KDM8: variants seen among roughly 807,000 people sequenced by gnomAD.
The protein encoded by KDM8 is bifunctional peptidase and arginyl-hydroxylase JMJD5.
KDM8 carries 35 observed loss-of-function variants against 46.9 expected under a neutral mutation model. The observed-to-expected ratio is 0.75, with a 90% CI of 0.57 to 0.99. The LOEUF is 0.99. KDM8 is among the 50% of genes least tolerant of loss of function. KDM8 has a pLI of 0.00. For missense variants in KDM8, 475 were observed against 537.0 expected, an observed-to-expected ratio of 0.88 and a Z score of 1.14; for synonymous variants, 232 against 227.7, an observed-to-expected ratio of 1.02 and a Z score of -0.17.
intron 1 of KDM8, among the ~76,000 whole-genome samples, chr16:27,209,876 G>T (rs1596645046): frequency 6.6e-6 from 1 of 152,226 alleles, no homozygotes; most frequent in South Asian, 2.1e-4. Flanking sequence ...CTGAACAGAC[G>T]TTTATCCAGT....
intron 5 of KDM8, among the ~76,000 whole-genome samples, chr16:27,218,491 G>T (rs567534620): frequency 2.6e-5 from 4 of 152,278 alleles, no homozygotes; most frequent in Admixed American, 1.3e-4. Flanking sequence ...TCTCTGCCCA[G>T]CCTGTTTCTG....
intron 1 of KDM8, among the ~76,000 whole-genome samples, chr16:27,208,559 G>A (rs757305423): frequency 3.9e-5 from 6 of 152,238 alleles, no homozygotes; most frequent in Non-Finnish European, 7.3e-5. Flanking sequence ...GGCAATAAAT[G>A]GTCTCCTGGG....
chr16:27,204,114 C>A, intron 1 of KDM8: 1 of 1,546,522 alleles, frequency 6.5e-7, no homozygotes. Context: ...GAAATGCAGC[C>A]CCGGGGAAGG....
At chr16:27,216,525 C>T (rs186758600) in intron 5 of KDM8, among the ~76,000 whole-genome samples, 33 of 152,240 alleles carry the variant, frequency 2.2e-4, no homozygotes, top group African/African-American at 7.7e-4. Flanking sequence ...GTGGAAGACT[C>T]GAGTCAGTCA....
chr16:27,215,259 A>G (rs1225680714), intron 4 of KDM8, among the ~76,000 whole-genome samples: 1 of 152,170 alleles, frequency 6.6e-6, no homozygotes, highest in Non-Finnish European at 1.5e-5. Context: ...AAAGTTGGAC[A>G]GCTAAGTCTA....
intron 1 of KDM8, among the ~76,000 whole-genome samples, chr16:27,205,427 C>T (rs1032750584): frequency 6.6e-5 from 10 of 152,148 alleles, no homozygotes; most frequent in Non-Finnish European, 5.9e-5. Context: ...TTTTATGCAA[C>T]CCACACTTGA....
chr16:27,213,448 A>G, intron 2 of KDM8, 137 bp from the exon 3 acceptor site: 1 of 817,072 alleles, frequency 1.2e-6, no homozygotes, highest in Non-Finnish European at 1.9e-6. Flanking sequence ...AGTAATAATA[A>G]CAAACGTTGT....
At chr16:27,213,557 T>A in intron 2 of KDM8, 28 bp from the exon 3 acceptor site, 1 of 1,608,654 alleles carries the variant, frequency 6.2e-7, no homozygotes, top group Non-Finnish European at 8.5e-7. Flanking sequence ...AGGTGGTTGC[T>A]ATTTTGTTCT....
chr16:27,210,581 G>A lies in KDM8; in HGVS notation c.458G>A (p.Arg153Lys). 1 of 1,517,098 alleles carries A rather than the reference G, an allele frequency of 6.6e-7. No homozygotes were observed. The highest frequency in any genetic ancestry group is 8.8e-7 in the Non-Finnish European group (1 of 1,132,810). 94.0% of individuals were successfully genotyped at this position (1,517,098 alleles called of 1,614,324 possible). Reference protein sequence around the residue: ...AILQTHLPGKRPARGSLPEQP... With the variant: ...AILQTHLPGKKPARGSLPEQP... ...CTCCAGACACACCTCCCTGGAAAGA[G>A]GCCTGCCCGTGGCTCCCTCCCAGAG... The change falls in exon 2 of 8, where the codon AGG becomes AAG. Residue 153 changes from arginine (R) to lysine (K), a missense_variant. Arg to Lys is a conservative substitution (Grantham distance 26). Coordinates refer to ENST00000286096, the MANE Select transcript of KDM8 (RefSeq NM_024773.3).
At position 27,214,859 on chromosome 16, in the gene KDM8, G is replaced by A; in HGVS notation, c.666-17G>A. 1 of 1,613,892 alleles carries A rather than the reference G, an allele frequency of 6.2e-7. No individual in the cohort carries two copies. The highest frequency in any genetic ancestry group is 1.7e-5 in the Admixed American group (1 of 60,016). Reference sequence around the variant, plus strand: ...AGATATTAGCAGTGACGATGCCAATGTGTGTCTTTCTGCTAGTTTGGAGTA... The same window carrying A: ...AGATATTAGCAGTGACGATGCCAATATGTGTCTTTCTGCTAGTTTGGAGTA... On this transcript the variant is annotated splice_polypyrimidine_tract_variant and intron_variant, in intron 3 of 7. Transcript: ENST00000286096.
intron 3 of KDM8, 183 bp downstream of exon 3, chr16:27,213,934 A>G: frequency 1.6e-6 from 1 of 612,636 alleles, no homozygotes; most frequent in Non-Finnish European, 2.7e-6. Flanking sequence ...TTTATGCCGC[A>G]GGTTATGGGA....
intron 2 of KDM8, chr16:27,211,119 C>G (rs1422604875): frequency 4.5e-6 from 2 of 447,960 alleles, no homozygotes; most frequent in Non-Finnish European, 4.4e-6. Context: ...TTCATTTTCT[C>G]TCTTTTTTTT....
In KDM8 at chr16:27,221,576, C is replaced by T. The variant is rs2083628072; in HGVS notation, c.*846C>T. On this transcript the variant is annotated 3_prime_UTR_variant, in exon 8 of 8. Coordinates refer to ENST00000286096, the MANE Select transcript of KDM8 (RefSeq NM_024773.3). Reference sequence around the variant, plus strand: ...AGCCTCCCTCCTACCACCTTCTAGTCACCATCCCCCAGAAGTAATGACTCT... The same window carrying T: ...AGCCTCCCTCCTACCACCTTCTAGTTACCATCCCCCAGAAGTAATGACTCT... 1 of 152,342 alleles carries T rather than the reference C, an allele frequency of 6.6e-6. No homozygotes were observed. Among genetic ancestry groups the T allele is most frequent in the Admixed American group, 6.5e-5 (1 of 15,296 alleles). 9.4% of individuals were successfully genotyped at this position (152,342 alleles called of 1,614,324 possible).
rs535176787 is a variant in KDM8, at chr16:27,208,678, A to C, written c.-31-1415A>C. On this transcript the variant is annotated intron_variant, in intron 1 of 7. Transcript: ENST00000286096. ...TTGCTCTATAAGATTCATGTAAGCC[A>C]CACACGGGATGAGCCAGGAGGCCAC... is the stretch of plus-strand genomic sequence containing the variant. Among the ~76,000 whole-genome samples, 6 of 150,952 alleles carry C rather than the reference A, an allele frequency of 4.0e-5. No homozygotes were observed. The South Asian group carries it at 1.3e-3, about 32-fold the overall frequency.
chr16:27,207,761 T>C (rs2083441468), intron 1 of KDM8, among the ~76,000 whole-genome samples: 1 of 152,190 alleles, frequency 6.6e-6, no homozygotes, highest in Admixed American at 6.5e-5. Context: ...ATTTTTTAAT[T>C]GTTTTTAGAG....
chr16:27,204,440 A>T, intron 1 of KDM8: 2 of 1,097,520 alleles, frequency 1.8e-6, no homozygotes, highest in Non-Finnish European at 2.3e-6. Flanking sequence ...AAATGTTCCA[A>T]ACTTTCCTGG....
chr16:27,204,070 G>A (rs1156305297), intron 1 of KDM8: 1 of 1,546,464 alleles, frequency 6.5e-7, no homozygotes, highest in Non-Finnish European at 8.7e-7. Context: ...GGCTGGAAAC[G>A]ATTCCGCCGT....
In KDM8 at chr16:27,218,977, A is replaced by G. The variant is rs199538430; in HGVS notation, c.860A>G (p.Gln287Arg). The G allele has an allele frequency of 6.2e-7, 1 of 1,614,030 alleles. No individual in the cohort carries two copies. The highest frequency in any genetic ancestry group is 1.1e-5 in the South Asian group (1 of 91,082). ...QLFDQIPELK[Q>R]DISIPDYCSL... The stretch of plus-strand genomic sequence containing the variant: ...CGCCCACAGATCCCGGAGTTGAAGC[A>G]GGACATCAGCATCCCCGACTACTGC... The change falls in exon 6 of 8, where the codon CAG (glutamine) becomes CGG (arginine). Residue 287 changes from glutamine (Q) to arginine (R), a missense_variant. Gln to Arg is a conservative substitution (Grantham distance 43). Coordinates refer to ENST00000286096, the MANE Select transcript of KDM8 (RefSeq NM_024773.3).
At chr16:27,215,278 G>C (rs1830010044) in intron 4 of KDM8, among the ~76,000 whole-genome samples, 1 of 152,120 alleles carries the variant, frequency 6.6e-6, no homozygotes, top group Admixed American at 6.5e-5. Flanking sequence ...TAGAGTATGT[G>C]TATTTAAATT....
Sources: allele counts gnomAD v4.1 joint callset (sites outside exome capture counted in the v4.1 genomes callset), GRCh38; gene constraint gnomAD v4.1.1; transcripts MANE v1.5; gene names NCBI Gene and HGNC (gene_info 2026-07-23, HGNC 2026-07-21).